GRIK3: variants seen among roughly 807,000 people sequenced by gnomAD.
GRIK3 encodes glutamate receptor ionotropic, kainate 3.
In GRIK3, 29 loss-of-function variants were observed where a neutral mutation model predicts 102.5. That is an observed-to-expected ratio of 0.28 (90% CI 0.21 to 0.39). The LOEUF is 0.39. GRIK3 is among the 10% of genes least tolerant of loss of function. GRIK3 has a pLI of 1.00. For missense variants in GRIK3, 908 were observed against 1,252.4 expected (o/e 0.73, Z 4.15); for synonymous variants, 511 against 504.9 (o/e 1.01, Z -0.16).
chr1:36,895,836 A>G (rs867590372), intron 1 of GRIK3, among the ~76,000 whole-genome samples: 2 of 152,072 alleles, frequency 1.3e-5, no homozygotes, highest in African/African-American at 4.8e-5. Context: ...TCATTTTCAA[A>G]CAATAGAAAA....
intron 1 of GRIK3, among the ~76,000 whole-genome samples, chr1:36,909,414 T>G (rs1394026842): frequency 2.0e-5 from 3 of 151,812 alleles, no homozygotes; most frequent in Non-Finnish European, 4.4e-5. Context: ...TTCTCCTGCC[T>G]CAGCCTCCTG....
In GRIK3 at chr1:36,825,644, G is replaced by C. The variant is rs112052462; in HGVS notation, c.1713C>G (p.Leu571=). Residue 571 remains leucine, a synonymous_variant, in exon 11 of 16, where the codon CTC becomes CTG. Coordinates refer to ENST00000373091, the MANE Select transcript of GRIK3 (RefSeq NM_000831.4). Reference sequence around the variant, plus strand: ...GGACACAGCTGACCCCCAGGTAGGCGAGGAGAACATACATCCAGATGTCTG... The same window carrying C: ...GGACACAGCTGACCCCCAGGTAGGCCAGGAGAACATACATCCAGATGTCTG... ...LSPDIWMYVL[L]AYLGVSCVLF... is the part of the protein sequence containing the mutation. The C allele has an allele frequency of 3.7e-6, 6 of 1,607,576 alleles. No individual in the cohort carries two copies. Among genetic ancestry groups the C allele is most frequent in the African/African-American group, 1.3e-5 (1 of 74,732 alleles).
intron 7 of GRIK3, 48 bp from the exon 8 acceptor site, chr1:36,853,770 A>G (rs776510664): frequency 3.1e-6 from 3 of 983,082 alleles, no homozygotes; most frequent in East Asian, 4.8e-5. Context: ...CTTATAAATC[A>G]TCATTCGGTA....
intron 1 of GRIK3, among the ~76,000 whole-genome samples, chr1:36,995,810 T>C (rs1642413476): frequency 6.6e-6 from 1 of 152,156 alleles, no homozygotes. Flanking sequence ...GCTTCAAAAG[T>C]TCAGGCTGCA....
At chr1:36,958,158 A>T (rs1363040972) in intron 1 of GRIK3, among the ~76,000 whole-genome samples, 16 of 92,266 alleles carry the variant, frequency 1.7e-4, no homozygotes, top group South Asian at 3.8e-4. Context: ...CTGTGCCCTG[A>T]GTCTGTGTGC....
rs558637526 is a variant in GRIK3, at chr1:36,883,243, T to C, written c.293-2352A>G. On this transcript the variant is annotated intron_variant, in intron 2 of 15. Coordinates refer to ENST00000373091, the MANE Select transcript of GRIK3 (RefSeq NM_000831.4). ...CTGTTAAACGAAACACGTCCTTTTC[T>C]CTTACCTTGACAAATGTACCTTCAT... Among the ~76,000 whole-genome samples, 40 of 152,348 alleles carry C rather than the reference T, an allele frequency of 2.6e-4. 1 individual carries two copies. In the South Asian group the frequency reaches 8.3e-3, roughly 32 times the overall value.
chr1:36,896,745 C>A (rs1641176674), intron 1 of GRIK3, among the ~76,000 whole-genome samples: 1 of 152,110 alleles, frequency 6.6e-6, no homozygotes, highest in African/African-American at 2.4e-5. Flanking sequence ...CAAGATCCAA[C>A]TATATGTTGT....
At chr1:36,895,221 G>C (rs1373675742) in intron 1 of GRIK3, among the ~76,000 whole-genome samples, 1 of 152,022 alleles carries the variant, frequency 6.6e-6, no homozygotes, top group Non-Finnish European at 1.5e-5. Context: ...ATCATGTCCA[G>C]CTATCAAGAA....
At position 36,979,064 on chromosome 1, in the gene GRIK3, T is replaced by G. The variant is rs3820274; in HGVS notation, c.115+54930A>C. Among the ~76,000 whole-genome samples the G allele has an allele frequency of 4.3e-4, 65 of 152,262 alleles. 1 individual carries two copies. The East Asian group carries it at 0.011, about 26-fold the overall frequency. ...ACCATGCTCAGTTGCTACCTTACAA[T>G]GTTGGAGCAGTACAGCTTGCTAAGC... On this transcript the variant is annotated intron_variant, in intron 1 of 15. Coordinates refer to ENST00000373091, the MANE Select transcript of GRIK3 (RefSeq NM_000831.4).
intron 1 of GRIK3, among the ~76,000 whole-genome samples, chr1:36,983,558 G>A (rs1298941377): frequency 6.6e-6 from 1 of 152,082 alleles, no homozygotes; most frequent in Non-Finnish European, 1.5e-5. Context: ...TCATTTCACA[G>A]ATATGGAGGC....
chr1:37,004,730 C>T (rs918874249), intron 1 of GRIK3, among the ~76,000 whole-genome samples: 1 of 152,252 alleles, frequency 6.6e-6, no homozygotes, highest in Non-Finnish European at 1.5e-5. Flanking sequence ...ACATGTGTGA[C>T]TTAGGCAGGG....
chr1:36,899,895 AAG>A (rs1477651017), intron 1 of GRIK3, among the ~76,000 whole-genome samples: 1 of 152,204 alleles, frequency 6.6e-6, no homozygotes, highest in Non-Finnish European at 1.5e-5. Context: ...ATGTGCTCAA[AAG>A]AGAGCATCAG....
chr1:36,988,033 G>A (rs1642324800), intron 1 of GRIK3, among the ~76,000 whole-genome samples: 1 of 152,006 alleles, frequency 6.6e-6, no homozygotes, highest in African/African-American at 2.4e-5. Context: ...GCTCATGCCT[G>A]TAATCCCAGC....
intron 1 of GRIK3, among the ~76,000 whole-genome samples, chr1:36,969,483 C>A (rs1430752352): frequency 6.6e-6 from 1 of 152,210 alleles, no homozygotes; most frequent in Non-Finnish European, 1.5e-5. Flanking sequence ...TTTATTTATC[C>A]ATTCATTCAA....
At chr1:36,935,349 A>T (rs186255129) in intron 1 of GRIK3, among the ~76,000 whole-genome samples, 91 of 152,316 alleles carry the variant, frequency 6.0e-4, no homozygotes, top group Non-Finnish European at 1.2e-3. Context: ...ACCCAGGTAG[A>T]AGGTCACCAT....
At chr1:37,023,369 A>C (rs1642735348) in intron 1 of GRIK3, among the ~76,000 whole-genome samples, 1 of 151,882 alleles carries the variant, frequency 6.6e-6, no homozygotes, top group Non-Finnish European at 1.5e-5. Flanking sequence ...AGAAAAAAGG[A>C]AATCCAGTGC....
chr1:36,967,808 G>C (rs1169633623), intron 1 of GRIK3, among the ~76,000 whole-genome samples: 1 of 152,048 alleles, frequency 6.6e-6, no homozygotes, highest in East Asian at 1.9e-4. Context: ...TATAACATGG[G>C]GCTAATAATA....
At chr1:36,822,192 T>A (rs916345952) in intron 11 of GRIK3, among the ~76,000 whole-genome samples, 4 of 152,238 alleles carry the variant, frequency 2.6e-5, no homozygotes, top group African/African-American at 9.6e-5. Context: ...TTCTGGGGCT[T>A]GGCTGCAAAG....
intron 1 of GRIK3, among the ~76,000 whole-genome samples, chr1:36,915,126 G>C (rs953899939): frequency 2.0e-5 from 3 of 152,190 alleles, no homozygotes; most frequent in Non-Finnish European, 4.4e-5. Flanking sequence ...CACTCAGGGA[G>C]CACCCACCAT....
Sources: gnomAD v4.1 joint callset for allele counts (sites outside exome capture counted in the v4.1 genomes callset) on GRCh38, gnomAD v4.1.1 for gene constraint, MANE v1.5 for transcripts, NCBI Gene and HGNC (gene_info 2026-07-23, HGNC 2026-07-21) for gene names.